AGMO: variants seen among roughly 807,000 people sequenced by gnomAD.
The protein encoded by AGMO is alkylglycerol monooxygenase.
AGMO carries 75 observed loss-of-function variants against 60.2 expected under a neutral mutation model. The observed-to-expected ratio is 1.25, with a 90% CI of 1.03 to 1.51. The LOEUF is 1.51. AGMO is among the 40% of genes most tolerant of loss of function. The probability of loss-of-function intolerance (pLI) is 0.00; values close to 1 mark genes in which losing one functional copy is unlikely to be tolerated. For synonymous variants in AGMO, 261 were observed against 177.1 expected (o/e 1.47, Z -3.76); for missense variants, 763 against 525.5 (o/e 1.45, Z -4.42).
At chr7:15,130,063 C>T in the AGMO span, among the ~76,000 whole-genome samples, 1 of 152,086 alleles carries the variant, frequency 6.6e-6, no homozygotes, top group South Asian at 2.1e-4. Flanking sequence ...GCGATTCCTC[C>T]CCCTTTGCAA....
At chr7:15,398,519 C>T (rs1784471015) in intron 5 of AGMO, among the ~76,000 whole-genome samples, 1 of 152,006 alleles carries the variant, frequency 6.6e-6, no homozygotes, top group African/African-American at 2.4e-5. Flanking sequence ...TGTAAAAAAC[C>T]CTTCCAATTC....
At chr7:15,293,816 A>G (rs953076907) in intron 12 of AGMO, among the ~76,000 whole-genome samples, 1 of 152,202 alleles carries the variant, frequency 6.6e-6, no homozygotes, top group Non-Finnish European at 1.5e-5. Context: ...TGTCTTCATC[A>G]TCCCCAATTT....
downstream of AGMO, among the ~76,000 whole-genome samples, chr7:15,198,255 G>C (rs867346739): frequency 6.6e-5 from 4 of 60,504 alleles, 1 homozygote; most frequent in East Asian, 7.5e-4. Flanking sequence ...GAGAGAGAGA[G>C]ACAGAGACAG....
At chr7:15,555,630 A>G (rs4537215) in intron 2 of AGMO, among the ~76,000 whole-genome samples, 15,526 of 151,938 alleles carry the variant, frequency 0.1, 2,562 homozygotes, top group African/African-American at 0.35. Flanking sequence ...CCATAAAACC[A>G]TAAACCTTTA....
At chr7:15,452,258 T>G (rs1027001920) in intron 3 of AGMO, among the ~76,000 whole-genome samples, 3 of 152,120 alleles carry the variant, frequency 2.0e-5, no homozygotes, top group African/African-American at 7.2e-5. Flanking sequence ...TTTTTAAAAT[T>G]TTTGTATATT....
chr7:15,365,412 ATGTACTGGTC>A, intron 12 of AGMO, 92 bp downstream of exon 12: 3 of 570,868 alleles, frequency 5.3e-6, no homozygotes, highest in Non-Finnish European at 8.9e-6. Context: ...GATTTCCCAC[ATGTACTGGTC>A]AGAAATGAAG....
chr7:15,518,941 T>C (rs2217867), intron 3 of AGMO, among the ~76,000 whole-genome samples: 117,342 of 151,280 alleles, frequency 0.78, 45,682 homozygotes, highest in East Asian at 0.96. Flanking sequence ...CAGCAATTGC[T>C]AACTAGAATA....
intron 3 of AGMO, among the ~76,000 whole-genome samples, chr7:15,531,360 ATATATATATTC>A (rs1562557097): frequency 0.021 from 433 of 20,870 alleles, 21 homozygotes; most frequent in African/African-American, 0.074. Flanking sequence ...TATATATTCT[ATATATATATTC>A]TATATATATT....
intron 9 of AGMO, among the ~76,000 whole-genome samples, 191 bp downstream of exon 9, chr7:15,387,215 G>A (rs1168955079): frequency 6.6e-6 from 1 of 152,224 alleles, no homozygotes; most frequent in Non-Finnish European, 1.5e-5. Context: ...GTTCACCTGG[G>A]AGAAGGCACT....
chr7:15,220,662 T>G (rs1225474818), intron 12 of AGMO, among the ~76,000 whole-genome samples: 1 of 151,878 alleles, frequency 6.6e-6, no homozygotes, highest in African/African-American at 2.4e-5. Context: ...ATTTTATTAA[T>G]ATGAATATAT....
chr7:15,357,733 A>G (rs1404655216), intron 12 of AGMO, among the ~76,000 whole-genome samples: 1 of 152,226 alleles, frequency 6.6e-6, no homozygotes, highest in East Asian at 1.9e-4. Flanking sequence ...CTTGACAGCC[A>G]GAGAGAAGTC....
chr7:15,158,075 T>A, the AGMO span, among the ~76,000 whole-genome samples: 54 of 152,284 alleles, frequency 3.5e-4, no homozygotes, highest in East Asian at 3.3e-3. Flanking sequence ...TATGACTGTA[T>A]TGATATAAAG....
intron 12 of AGMO, among the ~76,000 whole-genome samples, chr7:15,214,282 T>C (rs944129326): frequency 2.0e-5 from 3 of 152,036 alleles, no homozygotes; most frequent in African/African-American, 7.2e-5. Flanking sequence ...AAAATGTGTT[T>C]CTGATTATGT....
At chr7:15,225,099 T>G (rs1433726272) in intron 12 of AGMO, among the ~76,000 whole-genome samples, 1 of 151,964 alleles carries the variant, frequency 6.6e-6, no homozygotes, top group African/African-American at 2.4e-5. Context: ...TTTTTAAAAT[T>G]TAGTTCATGT....
the AGMO span, among the ~76,000 whole-genome samples, chr7:15,184,904 AGAAG>A: frequency 1.9e-4 from 17 of 87,952 alleles, no homozygotes; most frequent in African/African-American, 7.2e-4. Context: ...AAGAAGGGAA[AGAAG>A]GAAGGAAGGG....
chr7:15,380,028 A>G (rs935075859), intron 10 of AGMO, among the ~76,000 whole-genome samples: 3 of 152,130 alleles, frequency 2.0e-5, no homozygotes, highest in Admixed American at 6.6e-5. Flanking sequence ...AAAGATCCAT[A>G]TAAGACAAAC....
intron 5 of AGMO, among the ~76,000 whole-genome samples, chr7:15,414,516 G>T (rs534334043): frequency 5.7e-4 from 86 of 151,758 alleles, no homozygotes; most frequent in African/African-American, 1.7e-3. Flanking sequence ...GGAGAAAGGT[G>T]GGGAGAGAGA....
intron 3 of AGMO, among the ~76,000 whole-genome samples, chr7:15,484,476 A>G (rs1304879681): frequency 6.6e-6 from 1 of 152,174 alleles, no homozygotes; most frequent in Non-Finnish European, 1.5e-5. Flanking sequence ...GGCTATCTGG[A>G]TGGTGGATAT....
At chr7:15,429,814 C>A (rs111804173) in intron 4 of AGMO, among the ~76,000 whole-genome samples, 2,182 of 152,128 alleles carry the variant, frequency 0.014, 40 homozygotes, top group African/African-American at 0.049. Context: ...TTGGCTTTAT[C>A]ATTTACTAGC....
Sources: gnomAD v4.1 joint callset for allele counts (sites outside exome capture counted in the v4.1 genomes callset) on GRCh38, gnomAD v4.1.1 for gene constraint, MANE v1.5 for transcripts, NCBI Gene and HGNC (gene_info 2026-07-23, HGNC 2026-07-21) for gene names.